Variants in TXNL1 observed in about 807,000 individuals in gnomAD.
The protein encoded by TXNL1 is thioredoxin-like protein 1.
TXNL1 carries 14 observed loss-of-function variants against 35.5 expected under a neutral mutation model. The observed-to-expected ratio is 0.39, with a 90% CI of 0.26 to 0.62. TXNL1 has a LOEUF of 0.62. TXNL1 is among the 20% of genes least tolerant of loss of function. The pLI is 0.47. For missense variants in TXNL1, 263 were observed against 349.7 expected (o/e 0.75, Z 1.98); for synonymous variants, 110 against 115.5 (o/e 0.95, Z 0.31).
At chr18:56,629,758 A>C (rs1450528259) in intron 1 of TXNL1, among the ~76,000 whole-genome samples, 1 of 152,344 alleles carries the variant, frequency 6.6e-6, no homozygotes, top group East Asian at 1.9e-4. Flanking sequence ...TTACAGAGGT[A>C]TCCATTCTAT....
chr18:56,598,180 C>G lies in TXNL1; in HGVS notation c.*4847G>C, dbSNP rs1449920099. The G allele has an allele frequency of 6.6e-6, 1 of 152,218 alleles. No individual in the cohort carries two copies. The highest frequency in any genetic ancestry group is 1.9e-4 in the East Asian group (1 of 5,202). 9.4% of individuals were successfully genotyped at this position (152,218 alleles called of 1,614,324 possible). A position where few individuals can be genotyped will look rare whatever the true frequency, so the allele number is the denominator to read the frequency against. ...TTTATCTCTGACTCAACCCAAGCATCTCCCCTTGGACCCTGAGAATTTTTT... is the reference window on the plus strand; with the variant it reads ...TTTATCTCTGACTCAACCCAAGCATGTCCCCTTGGACCCTGAGAATTTTTT... On this transcript the variant is annotated 3_prime_UTR_variant, in exon 8 of 8. Transcript: ENST00000217515.
intron 3 of TXNL1, among the ~76,000 whole-genome samples, chr18:56,620,078 C>T (rs937268872): frequency 6.6e-6 from 1 of 152,158 alleles, no homozygotes; most frequent in African/African-American, 2.4e-5. Flanking sequence ...AAGTGATTCT[C>T]CTGCTTCAGT....
intron 1 of TXNL1, among the ~76,000 whole-genome samples, chr18:56,634,768 A>C (rs528241895): frequency 2.6e-5 from 4 of 152,222 alleles, no homozygotes; most frequent in Non-Finnish European, 5.9e-5. Flanking sequence ...GATTTCTTGA[A>C]TATGACACCA....
At chr18:56,637,805 C>T (rs1365714570) in intron 1 of TXNL1, among the ~76,000 whole-genome samples, 2 of 152,236 alleles carry the variant, frequency 1.3e-5, no homozygotes, top group Non-Finnish European at 2.9e-5. Flanking sequence ...AGCACCCTAA[C>T]CCAACGTTAA....
rs1278065670 is a variant in TXNL1, at chr18:56,602,989, A to G, written c.*38T>C. 2 of 1,608,680 alleles carry G rather than the reference A, an allele frequency of 1.2e-6. No individual in the cohort carries two copies. The highest frequency in any genetic ancestry group is 2.2e-5 in the South Asian group (2 of 90,942). On this transcript the variant is annotated 3_prime_UTR_variant, in exon 8 of 8. Transcript: ENST00000217515. ...TCAAGCAATTATCCAGGAGCTGTAGATCTGATTGCAATATGGTTGTCCAGT... is the reference window on the plus strand; with the variant it reads ...TCAAGCAATTATCCAGGAGCTGTAGGTCTGATTGCAATATGGTTGTCCAGT...
chr18:56,615,470 T>TC (rs1555669056), intron 5 of TXNL1, among the ~76,000 whole-genome samples: 1 of 136,324 alleles, frequency 7.3e-6, no homozygotes, highest in Non-Finnish European at 1.5e-5. Context: ...AAAGAAAAAA[T>TC]GGGGGGGGGC....
chr18:56,602,894 A>T lies in TXNL1; in HGVS notation c.*133T>A. On this transcript the variant is annotated 3_prime_UTR_variant, in exon 8 of 8. Coordinates refer to ENST00000217515, the MANE Select transcript of TXNL1 (RefSeq NM_004786.3). ...AGATTACAATGGAAACACTAGTGAT[A>T]CCATCTGAACAAAAGCAATGATTTA... 1.1e-6 allele frequency: 1 copy of T among 951,582 alleles called. No individual in the cohort carries two copies. Among genetic ancestry groups the T allele is most frequent in the Non-Finnish European group, 1.6e-6 (1 of 606,718 alleles). The allele number at this position is 951,582 out of a possible 1,614,324, so 58.9% of individuals were successfully genotyped here. A position where few individuals can be genotyped will look rare whatever the true frequency, so the allele number is the denominator to read the frequency against.
In TXNL1 at chr18:56,638,579, C is replaced by T. The variant is rs2024497183; in HGVS notation, c.-139G>A. ...GAGGTGGCGACCGCCGAGTCTTCTC[C>T]CGGGACTCTCAGTGCCGAGTCACGC... is the stretch of plus-strand genomic sequence containing the variant. On this transcript the variant is annotated 5_prime_UTR_variant, in exon 1 of 8. Coordinates refer to ENST00000217515, the MANE Select transcript of TXNL1 (RefSeq NM_004786.3). The T allele has an allele frequency of 2.4e-6, 2 of 823,044 alleles. No individual in the cohort carries two copies. Among genetic ancestry groups the T allele is most frequent in the African/African-American group, 3.5e-5 (2 of 56,560 alleles). The allele number at this position is 823,044 out of a possible 1,614,324, so 51.0% of individuals were successfully genotyped here. A position where few individuals can be genotyped will look rare whatever the true frequency, so the allele number is the denominator to read the frequency against.
chr18:56,627,971 T>C (rs571205018), intron 1 of TXNL1, among the ~76,000 whole-genome samples: 1 of 151,844 alleles, frequency 6.6e-6, no homozygotes, highest in African/African-American at 2.4e-5. Flanking sequence ...TTGCAAAACA[T>C]ATCAAACAAA....
chr18:56,632,077 C>A (rs1157889307), intron 1 of TXNL1, among the ~76,000 whole-genome samples: 3 of 152,176 alleles, frequency 2.0e-5, no homozygotes, highest in Non-Finnish European at 4.4e-5. Context: ...ACAGGCAATT[C>A]ATAAATATAA....
rs764636873 is a variant in TXNL1 at position 56,624,278 on chromosome 18, G to A, written c.369+10C>T. ...TTATACATTATGATTTCACTTTTCA[G>A]TCTACATACATAGCCTTTTGGAATA... On this transcript the variant is annotated intron_variant, in intron 3 of 7. Coordinates refer to ENST00000217515, the MANE Select transcript of TXNL1 (RefSeq NM_004786.3). 1 of 1,606,920 alleles carries A rather than the reference G, an allele frequency of 6.2e-7. No homozygotes were observed. The highest frequency in any genetic ancestry group is 8.5e-7 in the Non-Finnish European group (1 of 1,175,878).
chr18:56,614,376 T>C (rs374119437), intron 6 of TXNL1, 48 bp downstream of exon 6: 76 of 1,527,986 alleles, frequency 5.0e-5, no homozygotes, highest in Non-Finnish European at 6.1e-5. Context: ...GAAAATAGTA[T>C]TGTTACTCAC....
At chr18:56,604,515 T>G (rs1469056796) in intron 7 of TXNL1, 1 of 152,208 alleles carries the variant, frequency 6.6e-6, no homozygotes, top group Non-Finnish European at 1.5e-5. Context: ...CCAACATGGA[T>G]TGTCATCCCA....
intron 4 of TXNL1, 104 bp downstream of exon 4, chr18:56,617,900 G>A: frequency 2.2e-6 from 3 of 1,377,158 alleles, no homozygotes; most frequent in Non-Finnish European, 3.0e-6. Context: ...AGGAAGAAGT[G>A]ATCATCTGGG....
chr18:56,598,998 G>C lies in TXNL1; in HGVS notation c.*4029C>G, dbSNP rs988670591. The C allele has an allele frequency of 6.6e-6, 1 of 152,126 alleles. No individual in the cohort carries two copies. Among genetic ancestry groups the C allele is most frequent in the African/African-American group, 2.4e-5 (1 of 41,430 alleles). 9.4% of individuals were successfully genotyped at this position (152,126 alleles called of 1,614,324 possible). ...AATTAATTCTGGTCTGTTCAACTTA[G>C]AAATAATTCCAAAATAAAATTCCTC... On this transcript the variant is annotated 3_prime_UTR_variant, in exon 8 of 8. Coordinates refer to ENST00000217515, the MANE Select transcript of TXNL1 (RefSeq NM_004786.3).
Position 56,601,353 on chromosome 18 carries a change from T to C in TXNL1, c.*1674A>G, listed in dbSNP as rs1419561511. The C allele has an allele frequency of 2.0e-5, 3 of 152,176 alleles. No individual in the cohort carries two copies. The highest frequency in any genetic ancestry group is 7.2e-5 in the African/African-American group (3 of 41,446). 9.4% of individuals were successfully genotyped at this position (152,176 alleles called of 1,614,324 possible). On this transcript the variant is annotated 3_prime_UTR_variant, in exon 8 of 8. Coordinates refer to ENST00000217515, the MANE Select transcript of TXNL1 (RefSeq NM_004786.3). ...AATCTGATGTCCAATCCTTTACAAA[T>C]ACGAAATTTGTTTCACTGGGTTTTC...
chr18:56,613,910 G>A (rs1437341459), intron 6 of TXNL1, among the ~76,000 whole-genome samples: 1 of 151,912 alleles, frequency 6.6e-6, no homozygotes, highest in East Asian at 1.9e-4. Context: ...GTGCATGCCT[G>A]TAATCCCAGC....
chr18:56,616,163 C>CT (rs1285898480), intron 5 of TXNL1, 82 bp downstream of exon 5: 3 of 1,208,338 alleles, frequency 2.5e-6, no homozygotes, highest in Non-Finnish European at 3.5e-6. Context: ...ACAAGTACCT[C>CT]TATTTAATAA....
At chr18:56,638,263 A>T in intron 1 of TXNL1, 80 bp downstream of exon 1, 1 of 1,424,446 alleles carries the variant, frequency 7.0e-7, no homozygotes, top group South Asian at 1.3e-5. Flanking sequence ...GCAGACGGCT[A>T]GGAAACCAGG....
Sources: allele counts gnomAD v4.1 joint callset (sites outside exome capture counted in the v4.1 genomes callset), GRCh38; gene constraint gnomAD v4.1.1; transcripts MANE v1.5; gene names NCBI Gene and HGNC (gene_info 2026-07-23, HGNC 2026-07-21).